The following NPHP1 variants were observed in gnomAD, a reference collection of about 807,000 sequenced individuals.
The protein encoded by NPHP1 is nephrocystin-1.
Under a neutral mutation model 90.4 loss-of-function variants are expected in NPHP1, and 70 were observed. The observed-to-expected ratio is 0.77, with a 90% CI of 0.64 to 0.95. The LOEUF (loss-of-function observed/expected upper bound fraction) is 0.95, where lower values mean the gene tolerates loss of function less well. Among genes scored for constraint, NPHP1 ranks in the 40% least tolerant of loss-of-function variants. The pLI is 0.00. For missense variants in NPHP1, 764 were observed against 795.9 expected, an observed-to-expected ratio of 0.96 and a Z score of 0.48; for synonymous variants, 256 against 271.7, an observed-to-expected ratio of 0.94 and a Z score of 0.57.
chr2:110,141,570 A>C (rs1046615519), intron 16 of NPHP1, among the ~76,000 whole-genome samples: 16 of 152,128 alleles, frequency 1.1e-4, no homozygotes, highest in Non-Finnish European at 1.5e-4. Context: ...ATTTATTAGA[A>C]TGGCCAAAAC....
chr2:110,169,916 C>T lies in NPHP1; in HGVS notation c.412G>A (p.Glu138Lys), dbSNP rs753088843. The T allele has an allele frequency of 1.9e-6, 3 of 1,607,820 alleles. No individual in the cohort carries two copies. Among genetic ancestry groups the T allele is most frequent in the Non-Finnish European group, 2.6e-6 (3 of 1,174,502 alleles). Residue 138 changes from glutamate (E) to lysine (K), a missense_variant, in exon 5 of 20, where the codon GAG becomes AAG. Physicochemically the swap from Glu to Lys is moderately conservative, Grantham distance 56. Transcript: ENST00000445609. ...DSGGEEEDAE[E>K]EEEEKEENES... ...TTTTCCTCTTTCTCTTCCTCTTCCT[C>T]CTCTGCATCTTCTTCCTCCCCACCA...
At chr2:110,145,199 G>C (rs1156711024) in intron 14 of NPHP1, among the ~76,000 whole-genome samples, 2 of 152,132 alleles carry the variant, frequency 1.3e-5, no homozygotes, top group Non-Finnish European at 2.9e-5. Context: ...ACTAAGTGTA[G>C]AAAGAAGAAG....
At chr2:110,171,258 A>AT (rs1683109602) in intron 4 of NPHP1, among the ~76,000 whole-genome samples, 1 of 152,134 alleles carries the variant, frequency 6.6e-6, no homozygotes, top group Non-Finnish European at 1.5e-5. Flanking sequence ...CAAAGTTTAA[A>AT]TTTTGGGGAG....
rs3086121 is a variant in NPHP1, at chr2:110,180,448, C to CTTTTTTTTTTTTTTTTT, written c.144-781_144-765dup. ...AGTCACTTTTTTATGCCGTTTGAGT[C>CTTTTTTTTTTTTTTTTT]TTTTTTTTTTTTTTTTTTTTTTTGC... On this transcript the variant is annotated intron_variant, in intron 2 of 19. Coordinates refer to ENST00000445609, the MANE Select transcript of NPHP1 (RefSeq NM_001128178.3). Among the ~76,000 whole-genome samples, 5 of 80,914 alleles carry CTTTTTTTTTTTTTTTTT rather than the reference C, an allele frequency of 6.2e-5. 1 individual carries two copies. Among genetic ancestry groups the CTTTTTTTTTTTTTTTTT allele is most frequent in the Admixed American group, 1.6e-4 (1 of 6,090 alleles). 53.1% of individuals were successfully genotyped at this position (80,914 alleles called of 152,430 possible).
intron 6 of NPHP1, among the ~76,000 whole-genome samples, chr2:110,167,379 G>C (rs901607525): frequency 6.6e-6 from 1 of 152,128 alleles, no homozygotes; most frequent in African/African-American, 2.4e-5. Context: ...GGGGAGAGGA[G>C]CTGGAGACTG....
At chr2:110,199,702 C>T (rs1574213012) in intron 2 of NPHP1, among the ~76,000 whole-genome samples, 1 of 151,912 alleles carries the variant, frequency 6.6e-6, no homozygotes, top group South Asian at 2.1e-4. Flanking sequence ...GAGGATCAGT[C>T]CAGGATATCC....
chr2:110,204,832 A>G (rs1574224428), intron 1 of NPHP1, 68 bp downstream of exon 1: 2 of 1,524,590 alleles, frequency 1.3e-6, no homozygotes, highest in Non-Finnish European at 1.8e-6. Flanking sequence ...CACGGTGGGA[A>G]GGCGCAGTGC....
At chr2:110,147,822 TA>T in intron 13 of NPHP1, 93 bp downstream of exon 13, 1 of 769,464 alleles carries the variant, frequency 1.3e-6, no homozygotes, top group Non-Finnish European at 2.3e-6. Context: ...CAATTACACA[TA>T]AAGACTTCAA....
Position 110,163,087 on chromosome 2 carries a change from C to G in NPHP1, c.820G>C (p.Gly274Arg), listed in dbSNP as rs886054754. Residue 274 changes from glycine to arginine, a missense_variant, in exon 9 of 20, where the codon GGG (glycine) becomes CGG (arginine). By Grantham distance (125) the Gly-to-Arg change is moderately radical. Transcript: ENST00000445609. ...TGTGAGAGCGTGGAAGGCCTGAACC[C>G]TGCAGGAATAGCTCCCATCGTAGTT... Reference protein sequence around the residue: ...VLTTMGAIPAGFRPSTLSQLL... With the variant: ...VLTTMGAIPARFRPSTLSQLL... The G allele has an allele frequency of 6.2e-7, 1 of 1,613,766 alleles. No individual in the cohort carries two copies.
chr2:110,131,938 T>G (rs574894814), intron 16 of NPHP1, 147 bp from the exon 17 acceptor site: 13 of 634,552 alleles, frequency 2.0e-5, no homozygotes, highest in Non-Finnish European at 3.4e-5. Flanking sequence ...AAATTTCTAC[T>G]ACAAGTAGGC....
At chr2:110,190,380 G>A (rs1684629529) in intron 2 of NPHP1, among the ~76,000 whole-genome samples, 1 of 152,208 alleles carries the variant, frequency 6.6e-6, no homozygotes, top group Non-Finnish European at 1.5e-5. Context: ...CTGCCCCGCG[G>A]GAAGGCAGCT....
At position 110,202,701 on chromosome 2, in the gene NPHP1, G is replaced by A. The variant is rs141486444; in HGVS notation, c.70-1207C>T. Among the ~76,000 whole-genome samples, 829 of 152,138 alleles carry A rather than the reference G, an allele frequency of 5.4e-3. 13 individuals are homozygous for A. Among genetic ancestry groups the A allele is most frequent in the African/African-American group, 0.017 (709 of 41,500 alleles). On this transcript the variant is annotated intron_variant, in intron 1 of 19. Coordinates refer to ENST00000445609, the MANE Select transcript of NPHP1 (RefSeq NM_001128178.3). ...CATCATGACTAATCATCAGAGAAAT[G>A]CAAATTAAAACTACAATGAGGTACC...
At chr2:110,157,116 A>G (rs2104531573) in intron 11 of NPHP1, among the ~76,000 whole-genome samples, 1 of 152,292 alleles carries the variant, frequency 6.6e-6, no homozygotes, top group Non-Finnish European at 1.5e-5. Flanking sequence ...TTATTAAAGA[A>G]GCACTCTTAC....
chr2:110,154,194 AG>A (rs1681715263), intron 11 of NPHP1, among the ~76,000 whole-genome samples: 1 of 152,024 alleles, frequency 6.6e-6, no homozygotes, highest in East Asian at 1.9e-4. Context: ...TAAAAATGGG[AG>A]TTTTCCCTGC....
chr2:110,200,050 T>C (rs1055865155), intron 2 of NPHP1, among the ~76,000 whole-genome samples: 1 of 147,768 alleles, frequency 6.8e-6, no homozygotes, highest in Non-Finnish European at 1.5e-5. Context: ...GGTCAGGAGA[T>C]TGAGACCATC....
intron 6 of NPHP1, among the ~76,000 whole-genome samples, chr2:110,166,915 G>T (rs1264909223): frequency 2.0e-5 from 3 of 152,078 alleles, no homozygotes; most frequent in Admixed American, 2.0e-4. Context: ...TAGCTAGTGA[G>T]CTCTTGAAAT....
At chr2:110,132,280 C>A (rs1423258969) in intron 16 of NPHP1, among the ~76,000 whole-genome samples, 2 of 152,178 alleles carry the variant, frequency 1.3e-5, no homozygotes, top group East Asian at 3.8e-4. Flanking sequence ...ATTAATTCAT[C>A]TCCTTGTGCT....
At chr2:110,178,838 G>A in intron 3 of NPHP1, 1 of 264,388 alleles carries the variant, frequency 3.8e-6, no homozygotes, top group South Asian at 6.8e-5. Context: ...CAGAAGATCG[G>A]CTTTAAAGTC....
At chr2:110,163,210 T>G in intron 8 of NPHP1, 75 bp from the exon 9 acceptor site, 1 of 1,082,156 alleles carries the variant, frequency 9.2e-7, no homozygotes, top group Non-Finnish European at 1.4e-6. Flanking sequence ...ATCACTAGAG[T>G]AACTATAACC....
Sources: gnomAD v4.1 joint callset for allele counts (sites outside exome capture counted in the v4.1 genomes callset) on GRCh38, gnomAD v4.1.1 for gene constraint, MANE v1.5 for transcripts, NCBI Gene and HGNC (gene_info 2026-07-23, HGNC 2026-07-21) for gene names.